Variants in PCDHA6 observed in about 807,000 individuals in gnomAD.
The protein encoded by PCDHA6 is protocadherin alpha 6.
PCDHA6 carries 55 observed loss-of-function variants against 60.3 expected under a neutral mutation model. The observed-to-expected ratio is 0.91, with a 90% CI of 0.73 to 1.14. PCDHA6 has a LOEUF of 1.14. PCDHA6 is among the 50% of genes most tolerant of loss of function. PCDHA6 has a pLI of 0.00. For missense variants in PCDHA6, 1,327 were observed against 1,256.5 expected (o/e 1.06, Z -0.85); for synonymous variants, 652 against 557.9 (o/e 1.17, Z -2.38).
At chr5:140,935,093 A>G (rs1182064605) in intron 1 of PCDHA6, among the ~76,000 whole-genome samples, 1 of 152,204 alleles carries the variant, frequency 6.6e-6, no homozygotes, top group Admixed American at 6.5e-5. Context: ...TCCCAGAATC[A>G]GCCATTTTTC....
At chr5:140,867,932 T>C (rs2050205695) in intron 1 of PCDHA6, 1 of 152,146 alleles carries the variant, frequency 6.6e-6, no homozygotes, top group Non-Finnish European at 1.5e-5. Context: ...TTCCCTTGTT[T>C]TCCATGAACT....
intron 1 of PCDHA6, among the ~76,000 whole-genome samples, chr5:140,901,870 TTTC>T (rs2068953949): frequency 6.6e-6 from 1 of 152,202 alleles, no homozygotes. Flanking sequence ...TCCTCTTCAA[TTTC>T]TTTCATCAGC....
intron 1 of PCDHA6, chr5:140,863,626 A>G (rs2048099492): frequency 3.1e-6 from 1 of 320,146 alleles, no homozygotes; most frequent in African/African-American, 2.2e-5. Context: ...AGTGACATTG[A>G]TAATGTTCAC....
intron 1 of PCDHA6, chr5:140,877,301 A>G: frequency 1.2e-6 from 2 of 1,613,876 alleles, no homozygotes. Context: ...CTGTCCTACG[A>G]GTTGCAACCG....
At chr5:140,882,039 TGA>T (rs781834736) in intron 1 of PCDHA6, 12 of 658,206 alleles carry the variant, frequency 1.8e-5, no homozygotes, top group Non-Finnish European at 2.9e-5. Flanking sequence ...ATATGAAGAC[TGA>T]GTCATACTTA....
chr5:140,954,017 T>C (rs2094968085), intron 1 of PCDHA6, among the ~76,000 whole-genome samples: 1 of 152,162 alleles, frequency 6.6e-6, no homozygotes, highest in Admixed American at 6.5e-5. Flanking sequence ...CTCCCACACA[T>C]AGTGGGACGA....
chr5:141,000,555 G>A (rs1395458694), intron 3 of PCDHA6, among the ~76,000 whole-genome samples: 1 of 148,762 alleles, frequency 6.7e-6, no homozygotes, highest in Non-Finnish European at 1.5e-5. Context: ...AAACTCCCGA[G>A]TAGCTGGGAT....
chr5:140,870,915 G>A (rs1554164824), intron 1 of PCDHA6: 4 of 1,613,830 alleles, frequency 2.5e-6, no homozygotes, highest in Non-Finnish European at 3.4e-6. Flanking sequence ...GCTACAACGC[G>A]TGGCTTTCAT....
chr5:140,934,000 A>G (rs2089557025), intron 1 of PCDHA6, among the ~76,000 whole-genome samples: 1 of 151,350 alleles, frequency 6.6e-6, no homozygotes, highest in Non-Finnish European at 1.5e-5. Context: ...GTCACCTCTC[A>G]TTTTTCTTGA....
In PCDHA6 at chr5:140,856,537, G is replaced by T. The variant is rs782543512; in HGVS notation, c.2394+26052G>T. 18 of 1,598,256 alleles carry T rather than the reference G, an allele frequency of 1.1e-5. 3 individuals carry two copies. The highest frequency in any genetic ancestry group is 1.5e-5 in the Non-Finnish European group (18 of 1,167,836). ...GCGCATCTGATGCGGATGTTGGAGA[G>T]AACGCATTGCTTACTTACAAACTCA... On this transcript the variant is annotated intron_variant, in intron 1 of 3. Coordinates refer to ENST00000529310, the MANE Select transcript of PCDHA6 (RefSeq NM_018909.4).
chr5:140,999,507 T>A (rs2097860188), intron 3 of PCDHA6, among the ~76,000 whole-genome samples: 1 of 152,078 alleles, frequency 6.6e-6, no homozygotes, highest in South Asian at 2.1e-4. Flanking sequence ...GAACCTACAT[T>A]TTAAGCATTT....
intron 1 of PCDHA6, among the ~76,000 whole-genome samples, chr5:140,888,287 C>G (rs1371852276): frequency 6.6e-6 from 1 of 152,072 alleles, no homozygotes; most frequent in African/African-American, 2.4e-5. Flanking sequence ...CCCCTCTACC[C>G]CCTACCCAGG....
At chr5:140,862,844 C>G (rs782433146) in intron 1 of PCDHA6, 1 of 571,262 alleles carries the variant, frequency 1.8e-6, no homozygotes. Flanking sequence ...GGCATGCCGC[C>G]TCTGAGCAGC....
chr5:140,849,557 G>A (rs2150440607), intron 1 of PCDHA6: 1 of 1,598,482 alleles, frequency 6.3e-7, no homozygotes. Flanking sequence ...CTATCAAAAC[G>A]CTCTCGGTTC....
At chr5:140,963,091 T>C (rs1250580965) in intron 1 of PCDHA6, among the ~76,000 whole-genome samples, 1 of 152,162 alleles carries the variant, frequency 6.6e-6, no homozygotes, top group African/African-American at 2.4e-5. Flanking sequence ...AAGACATGGC[T>C]CCTGCTTTCA....
At chr5:140,991,843 T>G (rs2097475576) in intron 3 of PCDHA6, among the ~76,000 whole-genome samples, 1 of 152,194 alleles carries the variant, frequency 6.6e-6, no homozygotes, top group Admixed American at 6.6e-5. Context: ...GAACCGCACT[T>G]CCAGATACCA....
chr5:140,966,486 C>G (rs1563351032), intron 1 of PCDHA6: 1 of 432,846 alleles, frequency 2.3e-6, no homozygotes. Context: ...CTTTTCCCTC[C>G]CCCTGGAGCT....
intron 1 of PCDHA6, among the ~76,000 whole-genome samples, chr5:140,909,888 C>A (rs1391505487): frequency 6.6e-6 from 1 of 152,172 alleles, no homozygotes; most frequent in Admixed American, 6.5e-5. Flanking sequence ...AGACACTGTT[C>A]AGTAGTCCCT....
intron 1 of PCDHA6, chr5:140,849,905 G>C: frequency 6.3e-7 from 1 of 1,598,320 alleles, no homozygotes; most frequent in Non-Finnish European, 8.6e-7. Flanking sequence ...ACAACCCGCC[G>C]GGCTGCCACA....
Sources: gnomAD v4.1 joint callset for allele counts (sites outside exome capture counted in the v4.1 genomes callset) on GRCh38, gnomAD v4.1.1 for gene constraint, MANE v1.5 for transcripts, NCBI Gene and HGNC (gene_info 2026-07-23, HGNC 2026-07-21) for gene names.